The following CHLSN variants were observed in gnomAD, a reference collection of about 807,000 sequenced individuals.
CHLSN encodes protein cholesin.
chr7:1,122,445 C>T, the CHLSN span, among the ~76,000 whole-genome samples: 7 of 152,222 alleles, frequency 4.6e-5, no homozygotes, highest in Non-Finnish European at 8.8e-5. Context: ...GGGGTGGTCA[C>T]GCGTATGCCG....
chr7:1,115,257 C>T, the CHLSN span, among the ~76,000 whole-genome samples: 1 of 152,228 alleles, frequency 6.6e-6, no homozygotes, highest in Non-Finnish European at 1.5e-5. Context: ...TGTTAAATTT[C>T]TCCAAACACT....
the CHLSN span, among the ~76,000 whole-genome samples, chr7:1,101,752 A>C: frequency 3.9e-5 from 6 of 152,340 alleles, no homozygotes; most frequent in South Asian, 1.0e-3. Flanking sequence ...CGCAGCCCGC[A>C]GCTCTCTGCA....
the CHLSN span, among the ~76,000 whole-genome samples, chr7:1,122,069 G>T: frequency 3.9e-5 from 6 of 152,222 alleles, no homozygotes; most frequent in Non-Finnish European, 8.8e-5. Context: ...CCACAGGAAG[G>T]GATCCTGGTC....
At chr7:1,078,647 CG>C in the CHLSN span, among the ~76,000 whole-genome samples, 1 of 152,226 alleles carries the variant, frequency 6.6e-6, no homozygotes, top group Non-Finnish European at 1.5e-5. Flanking sequence ...AATGCACTCC[CG>C]GGGGGTTGGC....
the CHLSN span, among the ~76,000 whole-genome samples, chr7:987,803 T>C: frequency 6.6e-6 from 1 of 151,306 alleles, no homozygotes; most frequent in East Asian, 1.9e-4. Context: ...CCATGTGTCC[T>C]AGGCGATCCC....
At chr7:1,017,388 G>A in the CHLSN span, among the ~76,000 whole-genome samples, 8 of 152,184 alleles carry the variant, frequency 5.3e-5, no homozygotes, top group Non-Finnish European at 2.9e-5. Context: ...CCTGCTGTGT[G>A]GGTGAAGGGG....
chr7:1,021,926 C>A, the CHLSN span, among the ~76,000 whole-genome samples: 2 of 152,216 alleles, frequency 1.3e-5, no homozygotes, highest in African/African-American at 4.8e-5. Context: ...CCCAGGGCAG[C>A]TCCCTCGGCC....
the CHLSN span, among the ~76,000 whole-genome samples, chr7:1,039,074 C>T: frequency 1.3e-5 from 1 of 77,716 alleles, no homozygotes; most frequent in Admixed American, 1.2e-4. Flanking sequence ...GGTCAGCCCC[C>T]CTGCCCGGCC....
At chr7:1,118,799 CAAAA>C in the CHLSN span, among the ~76,000 whole-genome samples, 3 of 76,250 alleles carry the variant, frequency 3.9e-5, no homozygotes, top group Non-Finnish European at 7.3e-5. Context: ...CCATCTCTAC[CAAAA>C]AAAAAAAAAA....
chr7:1,116,807 A>T, the CHLSN span, among the ~76,000 whole-genome samples: 13 of 31,470 alleles, frequency 4.1e-4, no homozygotes, highest in South Asian at 9.9e-4. Flanking sequence ...ATCACTACAG[A>T]TCTAGGGACC....
chr7:985,313 C>G, the CHLSN span: 1 of 1,550,742 alleles, frequency 6.4e-7, no homozygotes, highest in Non-Finnish European at 8.7e-7. Context: ...TTGGGGTCCC[C>G]TGGCCTGCAG....
At chr7:1,136,379 A>AT in the CHLSN span, among the ~76,000 whole-genome samples, 1 of 100,228 alleles carries the variant, frequency 1.0e-5, no homozygotes, top group Non-Finnish European at 1.7e-5. Context: ...AATATATATA[A>AT]ATATATAAAC....
chr7:1,091,964 T>C, the CHLSN span: 1 of 1,614,148 alleles, frequency 6.2e-7, no homozygotes, highest in Non-Finnish European at 8.5e-7. Context: ...GGCAACATCC[T>C]GATCCTGGTG....
the CHLSN span, among the ~76,000 whole-genome samples, chr7:1,118,082 A>T: frequency 1.3e-5 from 2 of 152,252 alleles, no homozygotes; most frequent in Non-Finnish European, 2.9e-5. Context: ...TTCAACTGAG[A>T]CCAAAACAAG....
the CHLSN span, chr7:1,028,256 A>G: frequency 9.2e-7 from 1 of 1,092,094 alleles, no homozygotes; most frequent in Non-Finnish European, 1.1e-6. Flanking sequence ...CCGCGCACTG[A>G]CCTCTGACCC....
the CHLSN span, among the ~76,000 whole-genome samples, chr7:1,011,758 A>C: frequency 1.3e-5 from 2 of 151,612 alleles, no homozygotes; most frequent in South Asian, 2.1e-4. Flanking sequence ...CACACACGCC[A>C]ACACACCCAC....
the CHLSN span, among the ~76,000 whole-genome samples, chr7:1,094,095 G>A: frequency 0.22 from 33,025 of 152,254 alleles, 3,786 homozygotes; most frequent in African/African-American, 0.23. Flanking sequence ...CAGCCTGTGC[G>A]ACCTAAGCTG....
chr7:988,979 G>C, the CHLSN span: 1 of 588,066 alleles, frequency 1.7e-6, no homozygotes, highest in Non-Finnish European at 3.0e-6. Flanking sequence ...ACTGCTTCCG[G>C]TTACACCCAG....
At chr7:1,122,943 T>G in the CHLSN span, among the ~76,000 whole-genome samples, 2 of 152,016 alleles carry the variant, frequency 1.3e-5, no homozygotes, top group African/African-American at 4.8e-5. Context: ...TACAGCCCAG[T>G]CACCAAGACA....
Sources: allele counts gnomAD v4.1 joint callset (sites outside exome capture counted in the v4.1 genomes callset), GRCh38; gene constraint gnomAD v4.1.1; transcripts MANE v1.5; gene names NCBI Gene and HGNC (gene_info 2026-07-23, HGNC 2026-07-21).